The following DERL2 variants were observed in gnomAD, a reference collection of about 807,000 sequenced individuals.
The protein encoded by DERL2 is derlin 2, also known as derlin-2.
Under a neutral mutation model 32.0 loss-of-function variants are expected in DERL2, and 13 were observed. That is an observed-to-expected ratio of 0.41 (90% confidence interval 0.26 to 0.65). DERL2 has a LOEUF of 0.65. DERL2 is among the 30% of genes least tolerant of loss of function. The pLI, the probability that DERL2 is intolerant of heterozygous loss-of-function variation, is 0.35. For missense variants in DERL2, 208 were observed against 296.3 expected (o/e 0.70, Z 2.19); for synonymous variants, 111 against 104.7 (o/e 1.06, Z -0.37).
intron 6 of DERL2, among the ~76,000 whole-genome samples, chr17:5,479,267 GGT>G (rs1452170824): frequency 1.3e-5 from 2 of 152,152 alleles, no homozygotes; most frequent in East Asian, 3.9e-4. Context: ...AGTTAACAAT[GGT>G]GGCCACTGCT....
rs1367113958 is a variant in DERL2 at position 5,472,247 on chromosome 17, GGTTA to G, written c.*2433_*2436del. 6.6e-6 allele frequency: 1 copy of G among 152,218 alleles called. No homozygotes were observed. Among genetic ancestry groups the G allele is most frequent in the Admixed American group, 6.5e-5 (1 of 15,286 alleles). 9.4% of individuals were successfully genotyped at this position (152,218 alleles called of 1,614,324 possible). ...CAGGAATCCCTCAAATTATGTGTAA[GGTTA>G]GTTGGTTGGTCTCAAAATTCCATGT... On this transcript the variant is annotated 3_prime_UTR_variant, in exon 7 of 7. Coordinates refer to ENST00000158771, the MANE Select transcript of DERL2 (RefSeq NM_016041.5).
chr17:5,479,508 A>T (rs929385267), intron 6 of DERL2, among the ~76,000 whole-genome samples: 2 of 115,246 alleles, frequency 1.7e-5, no homozygotes, highest in African/African-American at 4.1e-5. Context: ...AAAAAAAAAA[A>T]AAAAAAAAAA....
At chr17:5,479,065 C>A (rs1297649433) in intron 6 of DERL2, among the ~76,000 whole-genome samples, 4 of 152,164 alleles carry the variant, frequency 2.6e-5, no homozygotes, top group Non-Finnish European at 4.4e-5. Context: ...AGTGATCCGT[C>A]TGCCTTCACC....
At chr17:5,485,977 C>G in intron 1 of DERL2, 92 bp downstream of exon 1, 1 of 1,224,244 alleles carries the variant, frequency 8.2e-7, no homozygotes, top group Non-Finnish European at 1.2e-6. Context: ...GGACCAGCCC[C>G]TCTGGGCCTC....
intron 2 of DERL2, among the ~76,000 whole-genome samples, chr17:5,484,679 C>T (rs1906037058): frequency 6.6e-6 from 1 of 152,218 alleles, no homozygotes; most frequent in South Asian, 2.1e-4. Flanking sequence ...TTTAAAAGCA[C>T]TAACAGAATT....
chr17:5,476,646 T>G (rs1364118392), intron 6 of DERL2, among the ~76,000 whole-genome samples: 1 of 152,172 alleles, frequency 6.6e-6, no homozygotes, highest in Non-Finnish European at 1.5e-5. Context: ...CCGGGTGTGG[T>G]GGCGCATGCC....
chr17:5,482,810 GA>G lies in DERL2; in HGVS notation c.231del (p.Leu78TyrfsTer8). 1 of 1,482,850 alleles carries G rather than the reference GA, an allele frequency of 6.7e-7. No individual in the cohort carries two copies. The highest frequency in any genetic ancestry group is 9.2e-7 in the Non-Finnish European group (1 of 1,081,940). The allele number at this position is 1,482,850 out of a possible 1,614,324, so 91.9% of individuals were successfully genotyped here. Reference protein sequence around the residue: ...VGFNFLFNMIFLYRYCRMLEE... With the variant: ...VGFNFLFNMIXLYRYCRMLEE... ...CTGACCCCATTTAATAAAGGATACA[GA>G]AAAATCATGTTAAATAAAAAATTGA... is the stretch of plus-strand genomic sequence containing the variant. On this transcript the variant is annotated frameshift_variant and splice_region_variant, in exon 3 of 7. Transcript: ENST00000158771. LOFTEE classifies it high-confidence loss of function.
Position 5,480,454 on chromosome 17 carries a change from G to T in DERL2, c.456C>A (p.Pro152=), listed in dbSNP as rs1199380464. 2 of 1,613,550 alleles carry T rather than the reference G, an allele frequency of 1.2e-6. No homozygotes were observed. Among genetic ancestry groups the T allele is most frequent in the African/African-American group, 2.7e-5 (2 of 74,864 alleles). Residue 152 remains proline (P), a synonymous_variant, in exon 5 of 7, where the codon CCC becomes CCA. Transcript: ENST00000158771. ...NFFGLLNFQA[P]FLPWVLMGFS... is the part of the protein sequence containing the mutation. ...ATCCCATGAGCACCCAGGGCAGAAA[G>T]GGGGCCTGGAAGTTGAGAAGGCCGA...
intron 1 of DERL2, among the ~76,000 whole-genome samples, 189 bp from the exon 2 acceptor site, chr17:5,485,405 C>A (rs1035160588): frequency 6.6e-6 from 1 of 152,138 alleles, no homozygotes; most frequent in Admixed American, 6.5e-5. Context: ...TTCTTTGTAT[C>A]CTCAATACCT....
intron 2 of DERL2, 113 bp downstream of exon 2, chr17:5,485,038 T>C (rs1288934210): frequency 6.3e-6 from 4 of 638,594 alleles, no homozygotes; most frequent in Middle Eastern, 5.7e-4. Context: ...CAACTTATAA[T>C]CAAAGGTCCC....
chr17:5,483,588 A>AC, intron 2 of DERL2, among the ~76,000 whole-genome samples: 1 of 152,292 alleles, frequency 6.6e-6, no homozygotes, highest in African/African-American at 2.4e-5. Context: ...TAAAATGTCT[A>AC]CTATCTCTTG....
intron 6 of DERL2, among the ~76,000 whole-genome samples, chr17:5,478,181 T>C (rs529308298): frequency 2.6e-5 from 4 of 151,960 alleles, no homozygotes; most frequent in African/African-American, 9.7e-5. Flanking sequence ...CTGGGCAACA[T>C]AGAGAGACCT....
At position 5,474,452 on chromosome 17, in the gene DERL2, C is replaced by T. The variant is rs913299625; in HGVS notation, c.*232G>A. On this transcript the variant is annotated 3_prime_UTR_variant, in exon 7 of 7. Transcript: ENST00000158771. The surrounding 1 kb of genome is among the most constrained non-coding windows in gnomAD (Gnocchi z 4.3). ...AGAGGTGGCAGGATATTTGTTTCTC[C>T]AGTTTTTTGGCTCTAAGAAATTACA... 1.2e-5 allele frequency: 5 copies of T among 415,330 alleles called. No homozygotes were observed. The Admixed American group carries it at 1.3e-4, about 11-fold the overall frequency. The allele number at this position is 415,330 out of a possible 1,614,324, so 25.7% of individuals were successfully genotyped here. A position where few individuals can be genotyped will look rare whatever the true frequency, so the allele number is the denominator to read the frequency against.
Position 5,472,921 on chromosome 17 carries a change from C to G in DERL2, c.*1763G>C, listed in dbSNP as rs1442208405. ...TTAAACTTTGAAAACCTTTTTTAAA[C>G]TGCTTAAAAAGCAGTCCCATAGACC... On this transcript the variant is annotated 3_prime_UTR_variant, in exon 7 of 7. Transcript: ENST00000158771. 1 of 152,178 alleles carries G rather than the reference C, an allele frequency of 6.6e-6. No individual in the cohort carries two copies. The highest frequency in any genetic ancestry group is 2.4e-5 in the African/African-American group (1 of 41,436). 9.4% of individuals were successfully genotyped at this position (152,178 alleles called of 1,614,324 possible). A position where few individuals can be genotyped will look rare whatever the true frequency, so the allele number is the denominator to read the frequency against.
At chr17:5,480,731 A>C in intron 4 of DERL2, 149 bp from the exon 5 acceptor site, 2 of 651,540 alleles carry the variant, frequency 3.1e-6, no homozygotes, top group Admixed American at 3.9e-5. Context: ...CACCCAGAAA[A>C]TAATTACCCA....
At position 5,481,648 on chromosome 17, in the gene DERL2, T is replaced by A. The variant is rs961920507; in HGVS notation, c.234-259A>T. Among the ~76,000 whole-genome samples, 1 of 151,582 alleles carries A rather than the reference T, an allele frequency of 6.6e-6. No homozygotes were observed. The highest frequency in any genetic ancestry group is 1.5e-5 in the Non-Finnish European group (1 of 67,862). ...ACACAGACATGCTTTCAGTCCCCTA[T>A]TCTTTTTTTTTTTTCTTTTGAGACA... On this transcript the variant is annotated intron_variant, in intron 3 of 6. Transcript: ENST00000158771. The surrounding 1 kb of genome is among the most constrained non-coding windows in gnomAD (Gnocchi z 4.4).
intron 6 of DERL2, among the ~76,000 whole-genome samples, chr17:5,476,016 A>C (rs1905360990): frequency 6.6e-6 from 1 of 152,220 alleles, no homozygotes; most frequent in South Asian, 2.1e-4. Context: ...AATATACTTA[A>C]TGCCACTGAA....
At chr17:5,483,191 A>G (rs937836937) in intron 2 of DERL2, among the ~76,000 whole-genome samples, 16 of 152,208 alleles carry the variant, frequency 1.1e-4, no homozygotes, top group African/African-American at 3.6e-4. Flanking sequence ...GGCAGAACAG[A>G]AAACAGTGCT....
chr17:5,485,285 AGTAGG>A, intron 1 of DERL2, 69 bp from the exon 2 acceptor site: 1 of 1,154,166 alleles, frequency 8.7e-7, no homozygotes, highest in Non-Finnish European at 1.3e-6. Flanking sequence ...ACAAAGAATT[AGTAGG>A]TCTAGCAATT....
Sources: allele counts gnomAD v4.1 joint callset (sites outside exome capture counted in the v4.1 genomes callset), GRCh38; gene constraint gnomAD v4.1.1; non-coding constraint Gnocchi (gnomAD v3.1); transcripts MANE v1.5; gene names NCBI Gene and HGNC (gene_info 2026-07-23, HGNC 2026-07-21).